Variants in ATAD2B observed in about 807,000 individuals in gnomAD.
The protein encoded by ATAD2B is ATPase family AAA domain-containing protein 2B.
In ATAD2B, 40 loss-of-function variants were observed where a neutral mutation model predicts 167.6. That is an observed-to-expected ratio of 0.24 (90% CI 0.19 to 0.31). The LOEUF (loss-of-function observed/expected upper bound fraction) is 0.31, where lower values mean the gene tolerates loss of function less well. ATAD2B is among the 10% of genes least tolerant of loss of function. The probability of loss-of-function intolerance (pLI) is 1.00; values close to 1 mark genes in which losing one functional copy is unlikely to be tolerated. For missense variants in ATAD2B, 1,242 were observed against 1,757.2 expected (o/e 0.71, Z 5.24); for synonymous variants, 579 against 596.5 (o/e 0.97, Z 0.43).
At chr2:23,798,080 G>A in intron 19 of ATAD2B, 58 bp downstream of exon 19, 2 of 1,140,002 alleles carry the variant, frequency 1.8e-6, no homozygotes, top group South Asian at 4.5e-5. Flanking sequence ...CCAATTTACA[G>A]AGTCAACTAT....
the ATAD2B span, chr2:23,693,398 A>G: frequency 6.4e-7 from 1 of 1,551,724 alleles, no homozygotes; most frequent in Non-Finnish European, 8.7e-7. Flanking sequence ...GCCCAGGAGG[A>G]GATCCTCAGC....
At chr2:23,695,967 C>T in the ATAD2B span, 6 of 1,551,418 alleles carry the variant, frequency 3.9e-6, no homozygotes, top group South Asian at 1.2e-5. The surrounding 1 kb of genome is among the most constrained non-coding windows in gnomAD (Gnocchi z 7.6). Context: ...CTGAGGTCAT[C>T]GTCTTGGTTG....
chr2:23,843,417 A>G (rs1179707561), intron 13 of ATAD2B, among the ~76,000 whole-genome samples: 1 of 152,256 alleles, frequency 6.6e-6, no homozygotes, highest in Non-Finnish European at 1.5e-5. Context: ...TAAAAGATAC[A>G]GAGCAAGATA....
chr2:23,801,239 A>G (rs1280973221), intron 18 of ATAD2B, among the ~76,000 whole-genome samples: 1 of 152,122 alleles, frequency 6.6e-6, no homozygotes, highest in Non-Finnish European at 1.5e-5. Flanking sequence ...GGAAAAAAAA[A>G]AGTTTAATAC....
intron 13 of ATAD2B, among the ~76,000 whole-genome samples, chr2:23,845,570 AT>A (rs71402518): frequency 0.033 from 2,883 of 87,558 alleles, 18 homozygotes; most frequent in African/African-American, 0.087. Flanking sequence ...GCATGCTGGA[AT>A]TTTTTTTTTT....
chr2:23,852,518 G>C (rs1232968296), intron 13 of ATAD2B, among the ~76,000 whole-genome samples: 1 of 152,132 alleles, frequency 6.6e-6, no homozygotes, highest in African/African-American at 2.4e-5. Flanking sequence ...CATTAATACA[G>C]ATAATAAAAC....
chr2:23,907,540 T>A (rs561879262), intron 1 of ATAD2B, among the ~76,000 whole-genome samples: 41 of 152,322 alleles, frequency 2.7e-4, no homozygotes, highest in African/African-American at 9.6e-4. Context: ...ATGGCCATAC[T>A]GCTCAAGGTA....
intron 24 of ATAD2B, 56 bp from the exon 25 acceptor site, chr2:23,758,157 T>G (rs751225132): frequency 9.7e-5 from 131 of 1,345,252 alleles, no homozygotes; most frequent in Non-Finnish European, 1.3e-4. Flanking sequence ...ATACCAATTT[T>G]ACATATGTTT....
At chr2:23,736,857 T>C in the ATAD2B span, among the ~76,000 whole-genome samples, 1 of 152,152 alleles carries the variant, frequency 6.6e-6, no homozygotes, top group Non-Finnish European at 1.5e-5. Context: ...TACTGCGCTT[T>C]TCCAACGGGC....
chr2:23,731,689 CAAT>C, the ATAD2B span, among the ~76,000 whole-genome samples: 1 of 152,240 alleles, frequency 6.6e-6, no homozygotes, highest in Middle Eastern at 3.4e-3. Flanking sequence ...TCAATGCAAT[CAAT>C]AAACTATTAA....
At chr2:23,869,013 G>A (rs1695544616) in intron 9 of ATAD2B, among the ~76,000 whole-genome samples, 1 of 152,132 alleles carries the variant, frequency 6.6e-6, no homozygotes. Context: ...CCATCATTCA[G>A]ATGAGAAATT....
At chr2:23,743,574 AAAAAG>A in the ATAD2B span, among the ~76,000 whole-genome samples, 3 of 152,102 alleles carry the variant, frequency 2.0e-5, no homozygotes, top group Non-Finnish European at 4.4e-5. Context: ...AAAAAAAAAA[AAAAAG>A]AGAGAGAGAG....
At position 23,926,898 on chromosome 2, in the gene ATAD2B, G is replaced by T; in HGVS notation, c.-128C>A. ...AGAGACGAGCCGGCCCGGAGCGTGC[G>T]GAGCGCAGACGAGCACAAGAGAGAG... is the stretch of plus-strand genomic sequence containing the variant. On this transcript the variant is annotated 5_prime_UTR_variant, in exon 1 of 28. Transcript: ENST00000238789. 1 of 1,190,348 alleles carries T rather than the reference G, an allele frequency of 8.4e-7. No individual in the cohort carries two copies. Among genetic ancestry groups the T allele is most frequent in the African/African-American group, 1.6e-5 (1 of 61,558 alleles). 73.7% of individuals were successfully genotyped at this position (1,190,348 alleles called of 1,614,324 possible). A position where few individuals can be genotyped will look rare whatever the true frequency, so the allele number is the denominator to read the frequency against.
At chr2:23,803,035 C>T (rs1181387464) in intron 18 of ATAD2B, among the ~76,000 whole-genome samples, 5 of 152,042 alleles carry the variant, frequency 3.3e-5, no homozygotes, top group Admixed American at 2.0e-4. Flanking sequence ...ATATAGCACG[C>T]TTATCAGTCC....
chr2:23,866,152 T>C (rs1695094689), intron 10 of ATAD2B: 1 of 156,536 alleles, frequency 6.4e-6, no homozygotes. Context: ...ACGCCTGTAA[T>C]CCTAACATTT....
the ATAD2B span, among the ~76,000 whole-genome samples, chr2:23,719,435 G>A: frequency 1.5e-4 from 23 of 152,274 alleles, no homozygotes; most frequent in East Asian, 3.9e-4. Context: ...AAATGGCAGC[G>A]TAGAAGCAAG....
At chr2:23,921,397 A>G (rs1220217548) in intron 1 of ATAD2B, among the ~76,000 whole-genome samples, 1 of 152,162 alleles carries the variant, frequency 6.6e-6, no homozygotes, top group Non-Finnish European at 1.5e-5. Flanking sequence ...ATTCAGGTGC[A>G]AACACTGGTT....
chr2:23,922,878 G>A (rs566320347), intron 1 of ATAD2B, among the ~76,000 whole-genome samples: 2 of 152,160 alleles, frequency 1.3e-5, no homozygotes, highest in South Asian at 4.1e-4. Context: ...GGGAGATGTA[G>A]AAAAAAGGGA....
At chr2:23,900,982 T>C (rs1700760926) in intron 1 of ATAD2B, 1 of 153,480 alleles carries the variant, frequency 6.5e-6, no homozygotes, top group African/African-American at 2.4e-5. Flanking sequence ...AAGCAGTTGC[T>C]ATTCGAAAGC....
Sources: allele counts gnomAD v4.1 joint callset (sites outside exome capture counted in the v4.1 genomes callset), GRCh38; gene constraint gnomAD v4.1.1; non-coding constraint Gnocchi (gnomAD v3.1); transcripts MANE v1.5; gene names NCBI Gene and HGNC (gene_info 2026-07-23, HGNC 2026-07-21).